Variants in ATAD3B observed in about 807,000 individuals in gnomAD.
ATAD3B encodes ATPase family AAA domain containing 3B.
ATAD3B carries 59 observed loss-of-function variants against 70.2 expected under a neutral mutation model. The observed-to-expected ratio is 0.84, with a 90% confidence interval of 0.68 to 1.04. The LOEUF (loss-of-function observed/expected upper bound fraction) is 1.04. ATAD3B is among the 50% of genes least tolerant of loss of function. The probability of loss-of-function intolerance (pLI) is 0.00; values close to 1 mark genes in which losing one functional copy is unlikely to be tolerated. For missense variants in ATAD3B, 961 were observed against 913.4 expected (o/e 1.05, Z -0.67); for synonymous variants, 423 against 388.6 (o/e 1.09, Z -1.04).
At chr1:1,500,177 C>T (rs1231866731), downstream of ATAD3B, among the ~76,000 whole-genome samples, 10 of 150,088 alleles carry the variant, frequency 6.7e-5, no homozygotes, top group African/African-American at 1.5e-4. Flanking sequence ...GGATTACAGG[C>T]GTGAGCCACC....
downstream of ATAD3B, among the ~76,000 whole-genome samples, chr1:1,498,677 G>C (rs1196439972): frequency 7.3e-5 from 11 of 151,650 alleles, no homozygotes; most frequent in East Asian, 2.2e-3. Context: ...CAAAGTGTTG[G>C]GGTTACAGGC....
downstream of ATAD3B, among the ~76,000 whole-genome samples, chr1:1,501,409 C>T (rs1336206237): frequency 2.0e-5 from 3 of 152,088 alleles, no homozygotes; most frequent in Non-Finnish European, 4.4e-5. Context: ...CGCCTGCCAC[C>T]ACGCCCAGCT....
intron 11 of ATAD3B, among the ~76,000 whole-genome samples, chr1:1,487,561 C>T (rs185156708): frequency 6.6e-6 from 1 of 151,946 alleles, no homozygotes; most frequent in Admixed American, 6.6e-5. Context: ...TGGGTGAAAC[C>T]TGCAGGGCGG....
intron 2 of ATAD3B, chr1:1,478,290 C>T (rs1405249892): frequency 1.1e-6 from 1 of 894,160 alleles, no homozygotes; most frequent in Non-Finnish European, 1.6e-6. Flanking sequence ...AGCGATGGCG[C>T]CCGGCCCACT....
At chr1:1,474,135 T>C (rs1639471330) in intron 1 of ATAD3B, among the ~76,000 whole-genome samples, 1 of 152,026 alleles carries the variant, frequency 6.6e-6, no homozygotes, top group South Asian at 2.1e-4. Context: ...TCCAACCGTC[T>C]CAGCCTCCTG....
chr1:1,504,665 AAAGAG>A, the ATAD3B span, among the ~76,000 whole-genome samples: 19 of 140,290 alleles, frequency 1.4e-4, no homozygotes, highest in African/African-American at 5.4e-4. Context: ...ACAAAAAAAA[AAAGAG>A]AGAACAGGAG....
At chr1:1,476,423 G>A (rs1173954255) in intron 1 of ATAD3B, among the ~76,000 whole-genome samples, 2 of 151,576 alleles carry the variant, frequency 1.3e-5, no homozygotes, top group Non-Finnish European at 2.9e-5. Context: ...AAAGTGAGAC[G>A]GGCTGCGGGA....
intron 15 of ATAD3B, among the ~76,000 whole-genome samples, chr1:1,493,035 C>G (rs1409183698): frequency 6.6e-6 from 1 of 151,882 alleles, no homozygotes; most frequent in Non-Finnish European, 1.5e-5. Context: ...TGCTGGAACT[C>G]AGGAGGCAGA....
chr1:1,475,167 G>A (rs1427521889), intron 1 of ATAD3B, among the ~76,000 whole-genome samples: 1 of 149,732 alleles, frequency 6.7e-6, no homozygotes, highest in African/African-American at 2.5e-5. Flanking sequence ...GCCTTGGTCT[G>A]CCCTCTCTGT....
At chr1:1,505,517 A>G in the ATAD3B span, among the ~76,000 whole-genome samples, 2 of 152,106 alleles carry the variant, frequency 1.3e-5, no homozygotes, top group Admixed American at 6.5e-5. Flanking sequence ...CCCCCGGGGA[A>G]AGGGAGACTC....
chr1:1,487,916 T>C lies in ATAD3B; in HGVS notation c.1266+2T>C. 6.2e-7 allele frequency: 1 copy of C among 1,612,994 alleles called. No individual in the cohort carries two copies. The highest frequency in any genetic ancestry group is 1.1e-5 in the South Asian group (1 of 91,018). On this transcript the variant is annotated splice_donor_variant, in intron 12 of 15. Transcript: ENST00000673477. LOFTEE classifies it high-confidence loss of function. Reference sequence around the variant, plus strand: ...GCCTTCCTTCGGAAGCGAGCCACTGTGAGTGTCACTAAGCCTCTGTCTGGC... The same window carrying C: ...GCCTTCCTTCGGAAGCGAGCCACTGCGAGTGTCACTAAGCCTCTGTCTGGC...
chr1:1,502,827 T>C (rs183378099), downstream of ATAD3B, among the ~76,000 whole-genome samples: 556 of 151,500 alleles, frequency 3.7e-3, 7 homozygotes, highest in African/African-American at 0.013. Flanking sequence ...TGATAACTTA[T>C]AGCAAACTTT....
At chr1:1,478,242 C>G (rs1639702183) in intron 2 of ATAD3B, 1 of 541,746 alleles carries the variant, frequency 1.8e-6, no homozygotes, top group Non-Finnish European at 3.1e-6. Flanking sequence ...GGTGATCCAG[C>G]CACTTTGGCC....
intron 1 of ATAD3B, among the ~76,000 whole-genome samples, chr1:1,472,722 AACGATTTGTAGC>A (rs1019890481): frequency 6.6e-6 from 1 of 152,038 alleles, no homozygotes; most frequent in African/African-American, 2.4e-5. Context: ...CTGTGGCTTT[AACGATTTGTAGC>A]ACGATGCAGT....
chr1:1,486,343 T>C, intron 10 of ATAD3B, 108 bp downstream of exon 10: 1 of 1,596,976 alleles, frequency 6.3e-7, no homozygotes, highest in Non-Finnish European at 8.5e-7. Flanking sequence ...CTTAGGCCTT[T>C]GCCTACCCTC....
chr1:1,496,328 C>T lies in ATAD3B; in HGVS notation c.*511C>T, dbSNP rs539574153. ...TCTGGAGAATTTACTGATCACAGAG[C>T]GGTGTGCTTCACATCAGCCTCGCGC... On this transcript the variant is annotated 3_prime_UTR_variant, in exon 16 of 16. Transcript: ENST00000673477. 78 of 843,032 alleles carry T rather than the reference C, an allele frequency of 9.3e-5. No homozygotes were observed. The East Asian group carries it at 1.8e-3, about 20-fold the overall frequency. 52.2% of individuals were successfully genotyped at this position (843,032 alleles called of 1,614,324 possible).
At chr1:1,472,370 T>G (rs1053288991) in intron 1 of ATAD3B, among the ~76,000 whole-genome samples, 3 of 151,860 alleles carry the variant, frequency 2.0e-5, no homozygotes, top group African/African-American at 7.3e-5. Flanking sequence ...GGGCTGGCCG[T>G]GGTCTTCAGT....
chr1:1,473,518 A>G (rs1639439391), intron 1 of ATAD3B, among the ~76,000 whole-genome samples: 1 of 126,296 alleles, frequency 7.9e-6, no homozygotes, highest in South Asian at 2.4e-4. Context: ...TTTTTTTAAG[A>G]TGATGTCTTG....
intron 12 of ATAD3B, 36 bp downstream of exon 12, chr1:1,487,950 G>T (rs1470385083): frequency 1.2e-6 from 2 of 1,611,118 alleles, no homozygotes; most frequent in South Asian, 1.1e-5. Flanking sequence ...GCCACAGGAG[G>T]GTGGTCGGGT....
Sources: allele counts gnomAD v4.1 joint callset (sites outside exome capture counted in the v4.1 genomes callset), GRCh38; gene constraint gnomAD v4.1.1; transcripts MANE v1.5; gene names NCBI Gene and HGNC (gene_info 2026-07-23, HGNC 2026-07-21).